Variants in TPPP observed in about 807,000 individuals in gnomAD.
The protein encoded by TPPP is tubulin polymerization-promoting protein.
TPPP carries 6 observed loss-of-function variants against 15.5 expected under a neutral mutation model. That is an observed-to-expected ratio of 0.39 (90% CI 0.21 to 0.77). TPPP has a LOEUF of 0.77. TPPP is among the 30% of genes least tolerant of loss of function. The pLI, the probability that TPPP is intolerant of heterozygous loss-of-function variation, is 0.42. For synonymous variants in TPPP, 146 were observed against 133.9 expected (o/e 1.09, Z -0.63); for missense variants, 269 against 307.2 (o/e 0.88, Z 0.93).
chr5:699,273 G>A, the TPPP span, among the ~76,000 whole-genome samples: 3 of 152,070 alleles, frequency 2.0e-5, no homozygotes, highest in Admixed American at 1.3e-4. Context: ...CAGCATGGTA[G>A]TAGTACAAAA....
chr5:667,534 T>C (rs1039103842), intron 2 of TPPP, among the ~76,000 whole-genome samples: 3 of 152,000 alleles, frequency 2.0e-5, no homozygotes, highest in African/African-American at 7.3e-5. Context: ...CAACAAAACA[T>C]GGCCTATAGT....
chr5:665,664 G>A (rs912908758), intron 3 of TPPP, among the ~76,000 whole-genome samples: 5 of 42,454 alleles, frequency 1.2e-4, no homozygotes, highest in Non-Finnish European at 1.9e-4. Context: ...CCCAGGCCAC[G>A]CCGACCTGGC....
intron 2 of TPPP, among the ~76,000 whole-genome samples, chr5:675,021 CG>C (rs1182512108): frequency 4.4e-5 from 3 of 68,648 alleles, no homozygotes; most frequent in Admixed American, 2.2e-4. Flanking sequence ...ACAGTGTGGC[CG>C]GGGGAGCAGT....
chr5:682,199 G>C (rs984706084), intron 1 of TPPP, among the ~76,000 whole-genome samples: 13 of 147,928 alleles, frequency 8.8e-5, no homozygotes, highest in Admixed American at 4.7e-4. Flanking sequence ...TGGAAACCCG[G>C]GTGTCCATGT....
chr5:683,983 A>G (rs1442006904), intron 1 of TPPP, among the ~76,000 whole-genome samples: 1 of 152,158 alleles, frequency 6.6e-6, no homozygotes, highest in Non-Finnish European at 1.5e-5. Context: ...GGCTGCCATC[A>G]CAGCCTTCAA....
chr5:668,424 G>A (rs548282874), intron 2 of TPPP, among the ~76,000 whole-genome samples: 69 of 125,344 alleles, frequency 5.5e-4, no homozygotes, highest in Admixed American at 1.6e-3. Flanking sequence ...AGAGGGGGCC[G>A]CGTGGGCGCC....
At chr5:680,679 C>T (rs1579193490) in intron 1 of TPPP, among the ~76,000 whole-genome samples, 1 of 151,302 alleles carries the variant, frequency 6.6e-6, no homozygotes, top group Non-Finnish European at 1.5e-5. Flanking sequence ...CAGACGCCAG[C>T]TGCCAGAAAT....
At chr5:669,426 A>G (rs921811213) in intron 2 of TPPP, among the ~76,000 whole-genome samples, 1 of 152,148 alleles carries the variant, frequency 6.6e-6, no homozygotes, top group Non-Finnish European at 1.5e-5. Context: ...GGCAGCCCAC[A>G]GTGCCTGGAA....
In TPPP at chr5:672,504, CTCA is replaced by C. The variant is rs367793142; in HGVS notation, c.311+5243_311+5245del. ...CGCAGCCCAGCCCTCCTTCCTCTGC[CTCA>C]TCGGCTGGGTGCCCCCACCTGAGCT... On this transcript the variant is annotated intron_variant, in intron 2 of 3. Transcript: ENST00000360578. Among the ~76,000 whole-genome samples, 323 of 152,380 alleles carry C rather than the reference CTCA, an allele frequency of 2.1e-3. 1 individual carries two copies. The highest frequency in any genetic ancestry group is 7.2e-3 in the African/African-American group (301 of 41,588).
Position 664,982 on chromosome 5 carries a change from G to GC in TPPP, c.*119dup. ...GAGGCCTGGGCCTGGCCGCCCCCCAGCCCCCTCTGGGGCACCCGTCTGAGT... is the reference window on the plus strand; with the variant it reads ...GAGGCCTGGGCCTGGCCGCCCCCCAGCCCCCCTCTGGGGCACCCGTCTGAGT... On this transcript the variant is annotated 3_prime_UTR_variant, in exon 4 of 4. Coordinates refer to ENST00000360578, the MANE Select transcript of TPPP (RefSeq NM_007030.3). The GC allele has an allele frequency of 7.9e-7, 1 of 1,263,688 alleles. No individual in the cohort carries two copies. The highest frequency in any genetic ancestry group is 1.1e-6 in the Non-Finnish European group (1 of 918,382). 78.3% of individuals were successfully genotyped at this position (1,263,688 alleles called of 1,614,324 possible). A position where few individuals can be genotyped will look rare whatever the true frequency, so the allele number is the denominator to read the frequency against.
At chr5:692,513 T>C in intron 1 of TPPP, 1 of 780,228 alleles carries the variant, frequency 1.3e-6, no homozygotes, top group Non-Finnish European at 1.5e-6. Context: ...CCAAAACCCT[T>C]ATCAAAACAG....
intron 2 of TPPP, chr5:675,749 T>G (rs1740410156): frequency 6.5e-6 from 1 of 153,236 alleles, no homozygotes; most frequent in Admixed American, 6.5e-5. Context: ...GCCCCAGGGA[T>G]GAGTGGTCCT....
upstream of TPPP, chr5:693,393 C>T (rs900312296): frequency 7.6e-5 from 11 of 145,372 alleles, 1 homozygote; most frequent in Admixed American, 6.8e-4. Flanking sequence ...CCCAGCACCG[C>T]CCAGCCCCGC....
chr5:676,136 G>T (rs977772946), intron 2 of TPPP: 1 of 152,246 alleles, frequency 6.6e-6, no homozygotes, highest in African/African-American at 2.4e-5. Flanking sequence ...GAGGGTCCGG[G>T]TTCAGGCATC....
At chr5:667,019 G>GCACTCCCAGCTGCAGAATC (rs1311098684) in intron 2 of TPPP, 1 of 152,210 alleles carries the variant, frequency 6.6e-6, no homozygotes, top group Admixed American at 6.5e-5. Context: ...CATTCCGAGG[G>GCACTCCCAGCTGCAGAATC]CACTCCCAGC....
chr5:670,262 C>T (rs1023882484), intron 2 of TPPP, among the ~76,000 whole-genome samples: 1 of 152,096 alleles, frequency 6.6e-6, no homozygotes, highest in Non-Finnish European at 1.5e-5. Context: ...ATCAGGAATG[C>T]CCTCCCATGG....
the TPPP span, among the ~76,000 whole-genome samples, chr5:700,230 G>A: frequency 0.034 from 5,171 of 151,744 alleles, 141 homozygotes; most frequent in Non-Finnish European, 0.051. Flanking sequence ...AGAAAATGTA[G>A]CATATATACA....
chr5:666,297 G>A (rs959969271), intron 2 of TPPP, among the ~76,000 whole-genome samples, 174 bp from the exon 3 acceptor site: 5 of 152,194 alleles, frequency 3.3e-5, no homozygotes, highest in Non-Finnish European at 5.9e-5. Flanking sequence ...AAAGCTTGGC[G>A]GAAGCAGGTC....
chr5:674,565 C>G (rs1483912079), intron 2 of TPPP, among the ~76,000 whole-genome samples: 1 of 152,146 alleles, frequency 6.6e-6, no homozygotes, highest in African/African-American at 2.4e-5. Context: ...GTGCCAGAGG[C>G]TCTGGCCCCT....
Sources: allele counts gnomAD v4.1 joint callset (sites outside exome capture counted in the v4.1 genomes callset), GRCh38; gene constraint gnomAD v4.1.1; transcripts MANE v1.5; gene names NCBI Gene and HGNC (gene_info 2026-07-23, HGNC 2026-07-21).